The following DNASE1 variants were observed in gnomAD, a reference collection of about 807,000 sequenced individuals.
DNASE1 encodes deoxyribonuclease-1.
A neutral mutation model predicts 33.9 loss-of-function variants in DNASE1; 40 were observed. The ratio of observed to expected loss-of-function variants is 1.18; its 90% CI spans 0.92 to 1.54. The LOEUF (loss-of-function observed/expected upper bound fraction) is 1.54. Ranked by LOEUF, DNASE1 falls within the 40% of genes most tolerant of loss-of-function variation. The pLI is 0.00. For missense variants in DNASE1, 518 were observed against 372.6 expected (o/e 1.39, Z -3.21); for synonymous variants, 216 against 160.0 (o/e 1.35, Z -2.64).
intron 1 of DNASE1, among the ~76,000 whole-genome samples, chr16:3,636,683 G>A (rs1207340362): frequency 6.6e-6 from 1 of 152,138 alleles, no homozygotes; most frequent in African/African-American, 2.4e-5. Flanking sequence ...AACTGGGCAT[G>A]GTGGCACACG....
At chr16:3,614,390 G>A (rs922202577) in intron 1 of DNASE1, among the ~76,000 whole-genome samples, 4 of 152,166 alleles carry the variant, frequency 2.6e-5, no homozygotes, top group African/African-American at 9.7e-5. Flanking sequence ...AAAAGGAGGC[G>A]TGCCACCACG....
intron 1 of DNASE1, among the ~76,000 whole-genome samples, chr16:3,633,468 C>T (rs987836697): frequency 2.6e-5 from 4 of 151,916 alleles, no homozygotes; most frequent in Non-Finnish European, 5.9e-5. Context: ...ATTAGCCGGG[C>T]GTGGTGGTGG....
chr16:3,616,036 AT>A (rs2041092399), intron 1 of DNASE1, among the ~76,000 whole-genome samples: 1 of 152,198 alleles, frequency 6.6e-6, no homozygotes, highest in African/African-American at 2.4e-5. Context: ...TTACTGTTGT[AT>A]AGTCACATTT....
At chr16:3,649,955 G>A (rs1248317285), upstream of DNASE1, among the ~76,000 whole-genome samples, 5 of 152,032 alleles carry the variant, frequency 3.3e-5, no homozygotes, top group African/African-American at 1.2e-4. Flanking sequence ...AAGAGTTTTC[G>A]TATGTGGGAG....
At chr16:3,645,181 C>T (rs991481540) in intron 1 of DNASE1, among the ~76,000 whole-genome samples, 2 of 152,122 alleles carry the variant, frequency 1.3e-5, no homozygotes, top group Non-Finnish European at 2.9e-5. Flanking sequence ...GCAACTACCA[C>T]CACAACCAGC....
intron 1 of DNASE1, among the ~76,000 whole-genome samples, chr16:3,617,969 G>A (rs2041168390): frequency 1.3e-5 from 2 of 151,564 alleles, no homozygotes; most frequent in African/African-American, 4.9e-5. Flanking sequence ...TGTAAGAGCA[G>A]CCCAAATGGA....
At chr16:3,637,510 G>C (rs2041904910) in intron 1 of DNASE1, among the ~76,000 whole-genome samples, 1 of 152,154 alleles carries the variant, frequency 6.6e-6, no homozygotes, top group Admixed American at 6.6e-5. Flanking sequence ...GAAGGGAGAG[G>C]GGGCTGGAGT....
At chr16:3,633,797 C>A (rs933309769) in intron 1 of DNASE1, among the ~76,000 whole-genome samples, 3 of 152,050 alleles carry the variant, frequency 2.0e-5, no homozygotes, top group South Asian at 2.1e-4. Flanking sequence ...TATTCAAAAG[C>A]GAAATTATTA....
rs554395823 is a variant in DNASE1, at chr16:3,618,906, G to A, written c.-1359+6900G>A. ...GGTCTCATTTCTGTTGCCCAGGCTCGAGTACAGTGGCACAATCATGACTCA... is the reference window on the plus strand; with the variant it reads ...GGTCTCATTTCTGTTGCCCAGGCTCAAGTACAGTGGCACAATCATGACTCA... On this transcript the variant is annotated intron_variant and NMD_transcript_variant, in intron 1 of 11. Coordinates refer to the DNASE1 transcript ENST00000570769. Among the ~76,000 whole-genome samples, 10 of 151,780 alleles carry A rather than the reference G, an allele frequency of 6.6e-5. 1 individual carries two copies. In the South Asian group the frequency reaches 1.9e-3, roughly 29 times the overall value.
intron 6 of DNASE1, 22 bp from the exon 7 acceptor site, chr16:3,657,165 C>T (rs781516300): frequency 1.2e-6 from 2 of 1,614,102 alleles, no homozygotes; most frequent in Admixed American, 3.3e-5. Flanking sequence ...GTCCCAGGGC[C>T]ACAGGCAGCG....
At chr16:3,658,862 G>C (rs137975630), downstream of DNASE1, 17 of 1,613,906 alleles carry the variant, frequency 1.1e-5, no homozygotes, top group South Asian at 4.4e-5. Flanking sequence ...TGATGAGCGC[G>C]TGCCTGCAAC....
chr16:3,616,724 A>G (rs535594391), intron 1 of DNASE1, among the ~76,000 whole-genome samples: 1 of 152,368 alleles, frequency 6.6e-6, no homozygotes, highest in East Asian at 1.9e-4. Context: ...TCAAGAACGT[A>G]CTTCCTTATA....
At chr16:3,658,895 G>A (rs765824667), downstream of DNASE1, 1 of 1,612,238 alleles carries the variant, frequency 6.2e-7, no homozygotes, top group Non-Finnish European at 8.5e-7. Flanking sequence ...AGAAAAAGCA[G>A]CTCAGTACCA....
At chr16:3,611,903 G>GC (rs1274511572) in exon 1 of DNASE1, 3 of 152,460 alleles carry the variant, frequency 2.0e-5, no homozygotes, top group Non-Finnish European at 2.9e-5. Flanking sequence ...TACAACGGCG[G>GC]CCCCCTCTGG....
chr16:3,655,210 G>C (rs910813597), intron 1 of DNASE1, among the ~76,000 whole-genome samples, 163 bp from the exon 2 acceptor site: 3 of 152,220 alleles, frequency 2.0e-5, no homozygotes, highest in Non-Finnish European at 2.9e-5. Context: ...CGTGGTGCCA[G>C]CTGTTTGGCT....
At chr16:3,657,553 G>A (rs1454996671) in intron 7 of DNASE1, among the ~76,000 whole-genome samples, 167 bp from the exon 8 acceptor site, 1 of 152,176 alleles carries the variant, frequency 6.6e-6, no homozygotes, top group Non-Finnish European at 1.5e-5. Flanking sequence ...AGACACCTAG[G>A]CTGTCATGTG....
At chr16:3,634,716 TG>T (rs1168622531) in intron 1 of DNASE1, among the ~76,000 whole-genome samples, 1 of 151,486 alleles carries the variant, frequency 6.6e-6, no homozygotes, top group Non-Finnish European at 1.5e-5. Context: ...GGTCTCGCTA[TG>T]TTGCCCAGGC....
chr16:3,657,904 A>G lies in DNASE1; in HGVS notation c.802-2A>G, dbSNP rs761644634. 1.2e-6 allele frequency: 2 copies of G among 1,614,004 alleles called. No homozygotes were observed. The highest frequency in any genetic ancestry group is 2.2e-5 in the South Asian group (2 of 91,078). ...CCAGACCCTGTGCCCACTTGCCTGC[A>G]GGCCCAAGCCATCAGTGACCACTAT... On this transcript the variant is annotated splice_acceptor_variant, in intron 8 of 8. Coordinates refer to ENST00000246949, the MANE Select transcript of DNASE1 (RefSeq NM_005223.4). LOFTEE classifies it high-confidence loss of function.
chr16:3,629,027 C>T (rs534261971), intron 1 of DNASE1, among the ~76,000 whole-genome samples: 2 of 150,348 alleles, frequency 1.3e-5, no homozygotes, highest in South Asian at 2.1e-4. Flanking sequence ...CAAACATTTG[C>T]CGGGTGTGAT....
Sources: gnomAD v4.1 joint callset for allele counts (sites outside exome capture counted in the v4.1 genomes callset) on GRCh38, gnomAD v4.1.1 for gene constraint, MANE v1.5 for transcripts, NCBI Gene and HGNC (gene_info 2026-07-23, HGNC 2026-07-21) for gene names.